Variants in TMEM82 observed in about 807,000 individuals in gnomAD.
The protein encoded by TMEM82 is transmembrane protein 82.
A neutral mutation model predicts 29.2 loss-of-function variants in TMEM82; 30 were observed. The ratio of observed to expected loss-of-function variants is 1.03; its 90% CI spans 0.77 to 1.39. The LOEUF is 1.39. Ranked by LOEUF, TMEM82 falls within the 40% of genes most tolerant of loss-of-function variation. The pLI is 0.00. For synonymous variants in TMEM82, 221 were observed against 225.4 expected (o/e 0.98, Z 0.18); for missense variants, 442 against 447.7 (o/e 0.99, Z 0.12).
chr1:15,742,679 C>A, intron 1 of TMEM82, 32 bp downstream of exon 1: 3 of 1,590,414 alleles, frequency 1.9e-6, no homozygotes, highest in Non-Finnish European at 8.6e-7. Flanking sequence ...TGCCTTGGCC[C>A]CGCCCCCTTC....
rs752507100 is a variant in TMEM82 at position 15,747,580 on chromosome 1, C to T, written c.980C>T (p.Pro327Leu). Reference protein sequence around the residue: ...FPSQRPPVSTPSQPLPSAPQS... With the variant: ...FPSQRPPVSTLSQPLPSAPQS... ...TCCCAGAGGCCTCCAGTGTCAACACCAAGCCAGCCCCTGCCCTCGGCACCC... is the reference window on the plus strand; with the variant it reads ...TCCCAGAGGCCTCCAGTGTCAACACTAAGCCAGCCCCTGCCCTCGGCACCC... The change falls in exon 6 of 6, where the codon CCA becomes CTA. Residue 327 changes from proline (P) to leucine (L), a missense_variant. Coordinates refer to ENST00000375782, the MANE Select transcript of TMEM82 (RefSeq NM_001013641.3). 51 of 1,613,976 alleles carry T rather than the reference C, an allele frequency of 3.2e-5. No homozygotes were observed. The highest frequency in any genetic ancestry group is 3.8e-5 in the Non-Finnish European group (45 of 1,179,976).
Position 15,744,623 on chromosome 1 carries a change from C to A in TMEM82, c.757+43C>A. 2 of 1,545,568 alleles carry A rather than the reference C, an allele frequency of 1.3e-6. No individual in the cohort carries two copies. Among genetic ancestry groups the A allele is most frequent in the East Asian group, 2.3e-5 (1 of 43,680 alleles). On this transcript the variant is annotated intron_variant, in intron 4 of 5. Coordinates refer to ENST00000375782, the MANE Select transcript of TMEM82 (RefSeq NM_001013641.3). This position sits in a 1 kb window ranked among gnomAD's most constrained non-coding sequence, Gnocchi z 5.2. ...TGCTCCATTCAATCCACGCACATCC[C>A]TCTGTCTGGGTCAGGCTCCGGGGAG...
At position 15,744,993 on chromosome 1, in the gene TMEM82, C is replaced by T. The variant is rs1011634996; in HGVS notation, c.757+413C>T. Among the ~76,000 whole-genome samples the T allele has an allele frequency of 9.9e-5, 15 of 152,240 alleles. No homozygotes were observed. In the East Asian group the frequency reaches 1.3e-3, roughly 14 times the overall value. On this transcript the variant is annotated intron_variant, in intron 4 of 5. Coordinates refer to ENST00000375782, the MANE Select transcript of TMEM82 (RefSeq NM_001013641.3). The surrounding 1 kb of genome is among the most constrained non-coding windows in gnomAD (Gnocchi z 5.2). ...TGTTGGAGAGCCCTCAACAGCCAGGCGGGGAAGTCTGATGAGAGGCTGCTG... is the reference window on the plus strand; with the variant it reads ...TGTTGGAGAGCCCTCAACAGCCAGGTGGGGAAGTCTGATGAGAGGCTGCTG...
intron 1 of TMEM82, 71 bp downstream of exon 1, chr1:15,742,718 A>G: frequency 6.6e-7 from 1 of 1,505,330 alleles, no homozygotes; most frequent in Non-Finnish European, 9.0e-7. Context: ...GGTGGACCCC[A>G]CCCACCTGGT....
rs1031370578 is a variant in TMEM82, at chr1:15,744,765, T to G, written c.757+185T>G. On this transcript the variant is annotated intron_variant, in intron 4 of 5. Transcript: ENST00000375782. This position sits in a 1 kb window ranked among gnomAD's most constrained non-coding sequence, Gnocchi z 5.2. Reference sequence around the variant, plus strand: ...TAGTGGGCACCCTGAGGTTGTAGTCTTTAGATTGGGCTTTGAAGGATGAGC... The same window carrying G: ...TAGTGGGCACCCTGAGGTTGTAGTCGTTAGATTGGGCTTTGAAGGATGAGC... Among the ~76,000 whole-genome samples the G allele has an allele frequency of 6.6e-6, 1 of 152,180 alleles. No homozygotes were observed. The highest frequency in any genetic ancestry group is 6.5e-5 in the Admixed American group (1 of 15,288).
At chr1:15,743,991 T>A (rs1256215168) in intron 3 of TMEM82, among the ~76,000 whole-genome samples, 169 bp from the exon 4 acceptor site, 1 of 151,370 alleles carries the variant, frequency 6.6e-6, no homozygotes, top group Non-Finnish European at 1.5e-5. Context: ...AAAACCCATA[T>A]GATTGAAATT....
Position 15,744,108 on chromosome 1 carries a change from C to G in TMEM82, c.337-52C>G, listed in dbSNP as rs1396138800. On this transcript the variant is annotated intron_variant, in intron 3 of 5. Transcript: ENST00000375782. This position sits in a 1 kb window ranked among gnomAD's most constrained non-coding sequence, Gnocchi z 5.2. ...CTCCGGCTTCCTGTGGTGGGCAGCA[C>G]CTGTGGTGAGGCAGCCCCCACATCT... 5 of 1,447,254 alleles carry G rather than the reference C, an allele frequency of 3.5e-6. No individual in the cohort carries two copies. The highest frequency in any genetic ancestry group is 3.6e-6 in the Non-Finnish European group (4 of 1,100,040). The allele number at this position is 1,447,254 out of a possible 1,614,324, so 89.7% of individuals were successfully genotyped here. A position where few individuals can be genotyped will look rare whatever the true frequency, so the allele number is the denominator to read the frequency against.
At position 15,744,371 on chromosome 1, in the gene TMEM82, G is replaced by A. The variant is rs1296924750; in HGVS notation, c.548G>A (p.Ser183Asn). ...HVCRLYELHS[S>N]QRYCGVCLGL... ...TGCCGCCTCTACGAGCTGCACAGCA[G>A]CCAGCGCTACTGTGGGGTGTGCCTG... The change falls in exon 4 of 6, where the codon AGC becomes AAC. Residue 183 changes from serine to asparagine, a missense_variant. Ser to Asn is a conservative substitution (Grantham distance 46). Transcript: ENST00000375782. This position sits in a 1 kb window ranked among gnomAD's most constrained non-coding sequence, Gnocchi z 5.2. 1 of 1,558,474 alleles carries A rather than the reference G, an allele frequency of 6.4e-7. No individual in the cohort carries two copies. Among genetic ancestry groups the A allele is most frequent in the Admixed American group, 1.9e-5 (1 of 52,576 alleles).
At position 15,747,841 on chromosome 1, in the gene TMEM82, C is replaced by A. The variant is rs964326505; in HGVS notation, c.*209C>A. 27 of 473,332 alleles carry A rather than the reference C, an allele frequency of 5.7e-5. No homozygotes were observed. The highest frequency in any genetic ancestry group is 8.2e-5 in the Non-Finnish European group (22 of 269,100). The allele number at this position is 473,332 out of a possible 1,614,324, so 29.3% of individuals were successfully genotyped here. On this transcript the variant is annotated 3_prime_UTR_variant, in exon 6 of 6. Transcript: ENST00000375782. ...ACACCTGGGGACCCCTGGTTGAACC[C>A]TCTTTTTCTTGGGGTGGGCAATGAT...
In TMEM82 at chr1:15,747,759, C is replaced by A; in HGVS notation, c.*127C>A. 1 of 776,216 alleles carries A rather than the reference C, an allele frequency of 1.3e-6. No homozygotes were observed. Among genetic ancestry groups the A allele is most frequent in the Non-Finnish European group, 2.0e-6 (1 of 506,878 alleles). 48.1% of individuals were successfully genotyped at this position (776,216 alleles called of 1,614,324 possible). On this transcript the variant is annotated 3_prime_UTR_variant, in exon 6 of 6. Transcript: ENST00000375782. ...CTCCTGCCCAGAGCTCAGCACAGGCCCTGGGAGCCCCGAGAAGGGAAGGCA... is the reference window on the plus strand; with the variant it reads ...CTCCTGCCCAGAGCTCAGCACAGGCACTGGGAGCCCCGAGAAGGGAAGGCA...
chr1:15,747,056 TG>T lies in TMEM82; in HGVS notation c.945+5del. ...CTGCTTGACCTCTGCCAGATACAGG[TG>T]GGCACCCCCATCCCATGTGTCCCCC... On this transcript the variant is annotated splice_donor_region_variant and intron_variant, in intron 5 of 5. Coordinates refer to ENST00000375782, the MANE Select transcript of TMEM82 (RefSeq NM_001013641.3). The T allele has an allele frequency of 6.2e-7, 1 of 1,603,604 alleles. No individual in the cohort carries two copies.
rs201599250 is a variant in TMEM82, at chr1:15,746,856, G to C, written c.758-11G>C. 2.3e-5 allele frequency: 36 copies of C among 1,554,604 alleles called. No individual in the cohort carries two copies. The East Asian group carries it at 8.2e-4, about 35-fold the overall frequency. On this transcript the variant is annotated splice_polypyrimidine_tract_variant and intron_variant, in intron 4 of 5. Coordinates refer to ENST00000375782, the MANE Select transcript of TMEM82 (RefSeq NM_001013641.3). ...TGTGGTCGGACGGTGACAGGCACCC[G>C]CATCCCACAGAGGAGCAGCGGCAGC...
chr1:15,743,153 T>C lies in TMEM82; in HGVS notation c.295T>C (p.Phe99Leu), dbSNP rs146908578. ...SRVAALVVLE[F>L]SLRAVSTLLS... Reference sequence around the variant, plus strand: ...GGTGGCTGCCCTCGTGGTGCTCGAGTTCTCCCTCCGGGCCGTGTCCACGCT... The same window carrying C: ...GGTGGCTGCCCTCGTGGTGCTCGAGCTCTCCCTCCGGGCCGTGTCCACGCT... The change falls in exon 3 of 6, where the codon TTC (phenylalanine) becomes CTC (leucine). Residue 99 changes from phenylalanine to leucine, a missense_variant. Phe to Leu is a conservative substitution (Grantham distance 22). Transcript: ENST00000375782. The C allele has an allele frequency of 3.4e-4, 545 of 1,610,720 alleles. 1 individual carries two copies. Among genetic ancestry groups the C allele is most frequent in the African/African-American group, 1.2e-3 (90 of 74,978 alleles).
rs1553162982 is a variant in TMEM82, at chr1:15,744,218, G to GCTGCGGGCTGAC, written c.399_410dup (p.Thr136_Leu139dup). On this transcript the variant is annotated inframe_insertion, in exon 4 of 6. Transcript: ENST00000375782. The surrounding 1 kb of genome is among the most constrained non-coding windows in gnomAD (Gnocchi z 5.2). Reference sequence around the variant, plus strand: ...TACCTGCTGTGCCAGTACTCGCTGGGCTGCGGGCTGACCTGTGGCCTGAGC... The same window carrying GCTGCGGGCTGAC: ...TACCTGCTGTGCCAGTACTCGCTGGGCTGCGGGCTGACCTGCGGGCTGACCTGTGGCCTGAGC... The GCTGCGGGCTGAC allele has an allele frequency of 6.3e-7, 1 of 1,590,804 alleles. No homozygotes were observed. Among genetic ancestry groups the GCTGCGGGCTGAC allele is most frequent in the Admixed American group, 1.7e-5 (1 of 58,660 alleles).
chr1:15,746,119 A>C (rs1041527460), intron 4 of TMEM82, among the ~76,000 whole-genome samples: 2 of 139,252 alleles, frequency 1.4e-5, no homozygotes, highest in Non-Finnish European at 3.2e-5. Context: ...GCAACCTCCA[A>C]CTCCTGGGTT....
Position 15,742,823 on chromosome 1 carries a change from C to T in TMEM82, c.89-12C>T, listed in dbSNP as rs1193329103. 3 of 1,610,646 alleles carry T rather than the reference C, an allele frequency of 1.9e-6. No individual in the cohort carries two copies. The highest frequency in any genetic ancestry group is 4.5e-5 in the East Asian group (2 of 44,784). ...TGCACGCTGCCTCGCTGCCTCCCTC[C>T]CGCCCCCTCAGGCCTGATCGGGGCC... On this transcript the variant is annotated splice_polypyrimidine_tract_variant and intron_variant, in intron 1 of 5. Transcript: ENST00000375782.
chr1:15,743,281 T>C, intron 3 of TMEM82, 87 bp downstream of exon 3: 1 of 1,403,244 alleles, frequency 7.1e-7, no homozygotes, highest in Non-Finnish European at 9.5e-7. Context: ...AGGGCCCAGG[T>C]CCAGCATCCC....
rs1245235135 is a variant in TMEM82, at chr1:15,746,873, A to G, written c.764A>G (p.Gln255Arg). 6.3e-7 allele frequency: 1 copy of G among 1,580,102 alleles called. No individual in the cohort carries two copies. The highest frequency in any genetic ancestry group is 8.6e-7 in the Non-Finnish European group (1 of 1,168,956). ...AGGCACCCGCATCCCACAGAGGAGC[A>G]GCGGCAGCACCCCGGCCTGCAGAGC... The part of the protein sequence containing the change: ...TLLVIYMQEE[Q>R]RQHPGLQSQV... The change falls in exon 5 of 6, where the codon CAG (glutamine) becomes CGG (arginine). Residue 255 changes from glutamine to arginine, a missense_variant. Gln to Arg is a conservative substitution (Grantham distance 43). Transcript: ENST00000375782.
Position 15,744,549 on chromosome 1 carries a change from C to G in TMEM82, c.726C>G (p.Ile242Met), listed in dbSNP as rs1231773401. 1 of 1,610,912 alleles carries G rather than the reference C, an allele frequency of 6.2e-7. No homozygotes were observed. Among genetic ancestry groups the G allele is most frequent in the East Asian group, 2.2e-5 (1 of 44,846 alleles). Residue 242 changes from isoleucine to methionine, a missense_variant, in exon 4 of 6, where the codon ATC becomes ATG. By Grantham distance (10) the Ile-to-Met change is conservative. Transcript: ENST00000375782. The surrounding 1 kb of genome is among the most constrained non-coding windows in gnomAD (Gnocchi z 5.2). ...TGCGGTTCTGGACACCGCTCACCATCTGCTACACGCTGCTGGTCATCTACA... is the reference window on the plus strand; with the variant it reads ...TGCGGTTCTGGACACCGCTCACCATGTGCTACACGCTGCTGGTCATCTACA... ...EAMRFWTPLT[I>M]CYTLLVIYMQ... is the part of the protein sequence containing the mutation.
Sources: allele counts gnomAD v4.1 joint callset (sites outside exome capture counted in the v4.1 genomes callset), GRCh38; gene constraint gnomAD v4.1.1; non-coding constraint Gnocchi (gnomAD v3.1); transcripts MANE v1.5; gene names NCBI Gene and HGNC (gene_info 2026-07-23, HGNC 2026-07-21).